Variants in STXBP5L observed in about 807,000 individuals in gnomAD.
The protein encoded by STXBP5L is syntaxin binding protein 5L, also known as syntaxin-binding protein 5-like.
STXBP5L carries 65 observed loss-of-function variants against 144.5 expected under a neutral mutation model. The observed-to-expected ratio is 0.45, with a 90% confidence interval of 0.37 to 0.55. The LOEUF is 0.55. Ranked by LOEUF, STXBP5L falls within the 20% of genes least tolerant of loss-of-function variation. The pLI, the probability that STXBP5L is intolerant of heterozygous loss-of-function variation, is 0.00. For missense variants in STXBP5L, 1,298 were observed against 1,405.5 expected, an observed-to-expected ratio of 0.92 and a Z score of 1.22; for synonymous variants, 505 against 469.6, an observed-to-expected ratio of 1.08 and a Z score of -0.97.
intron 3 of STXBP5L, among the ~76,000 whole-genome samples, chr3:121,005,558 C>A (rs1014408971): frequency 1.3e-5 from 2 of 152,100 alleles, no homozygotes; most frequent in African/African-American, 4.8e-5. Flanking sequence ...TCCTTCAGTT[C>A]TGCTCTGATC....
At chr3:121,089,871 C>A (rs549370827) in intron 5 of STXBP5L, among the ~76,000 whole-genome samples, 33 of 151,922 alleles carry the variant, frequency 2.2e-4, no homozygotes, top group African/African-American at 7.5e-4. Context: ...AGCTTATCCA[C>A]AGAATTTTAA....
At chr3:121,303,725 G>A (rs1214509557) in intron 19 of STXBP5L, among the ~76,000 whole-genome samples, 2 of 152,146 alleles carry the variant, frequency 1.3e-5, no homozygotes, top group Non-Finnish European at 2.9e-5. Context: ...CATGTCCTTT[G>A]TAGGGACATG....
chr3:121,251,728 A>G (rs2050032104), intron 15 of STXBP5L, among the ~76,000 whole-genome samples: 1 of 152,196 alleles, frequency 6.6e-6, no homozygotes, highest in Non-Finnish European at 1.5e-5. Context: ...GAAGCTGTAG[A>G]AATGAATAGC....
chr3:121,170,872 G>A (rs2046685639), intron 9 of STXBP5L, among the ~76,000 whole-genome samples: 1 of 152,114 alleles, frequency 6.6e-6, no homozygotes, highest in Admixed American at 6.6e-5. Context: ...ACCAAAACCT[G>A]GCAGAGACAC....
chr3:120,965,047 A>G (rs1053890551), intron 3 of STXBP5L, among the ~76,000 whole-genome samples: 2 of 151,576 alleles, frequency 1.3e-5, no homozygotes, highest in Admixed American at 6.6e-5. Flanking sequence ...GTCTCTTTTG[A>G]TCTTTGTTGG....
At chr3:121,001,742 C>G (rs1035115579) in intron 3 of STXBP5L, among the ~76,000 whole-genome samples, 4 of 152,210 alleles carry the variant, frequency 2.6e-5, no homozygotes, top group Non-Finnish European at 5.9e-5. Context: ...AGCTTCCTCT[C>G]CCTTCAGCGC....
At chr3:121,346,244 T>C (rs531098000) in intron 20 of STXBP5L, among the ~76,000 whole-genome samples, 1 of 152,084 alleles carries the variant, frequency 6.6e-6, no homozygotes, top group East Asian at 1.9e-4. Context: ...AGAATGATGG[T>C]TTCCAGCTTC....
At chr3:121,350,314 G>T (rs1357268687) in intron 20 of STXBP5L, among the ~76,000 whole-genome samples, 1 of 152,136 alleles carries the variant, frequency 6.6e-6, no homozygotes, top group East Asian at 1.9e-4. Context: ...TGTAGAGTTT[G>T]TGCTGAGAGA....
chr3:121,256,676 A>G (rs549346067), intron 16 of STXBP5L, among the ~76,000 whole-genome samples: 1 of 152,100 alleles, frequency 6.6e-6, no homozygotes, highest in East Asian at 1.9e-4. Context: ...AAAAGGCTTT[A>G]AACAAGTAAT....
chr3:121,003,959 A>C (rs1416606375), intron 3 of STXBP5L, among the ~76,000 whole-genome samples: 1 of 152,136 alleles, frequency 6.6e-6, no homozygotes, highest in Non-Finnish European at 1.5e-5. Flanking sequence ...GTAGCCTTGC[A>C]GTATAGTTTG....
At chr3:120,948,475 G>A (rs1383664349) in intron 2 of STXBP5L, among the ~76,000 whole-genome samples, 3 of 151,698 alleles carry the variant, frequency 2.0e-5, no homozygotes, top group Admixed American at 1.3e-4. Context: ...CTACTTTAGT[G>A]CTAATTTCTG....
rs189960269 is a variant in STXBP5L, at chr3:121,210,634, C to A, written c.956+4633C>A. On this transcript the variant is annotated intron_variant, in intron 10 of 26. Transcript: ENST00000471454. ...AAGGTGTGAGTAAGGGATCCAGTTT[C>A]AGGTTTCTACATATGGCTAGCCAGT... 2.0e-3 allele frequency among the ~76,000 whole-genome samples: 303 copies of A among 152,312 alleles called. 1 individual carries two copies. The highest frequency in any genetic ancestry group is 7.0e-3 in the African/African-American group (291 of 41,560).
intron 20 of STXBP5L, among the ~76,000 whole-genome samples, chr3:121,353,291 G>T (rs1017735240): frequency 1.3e-5 from 2 of 152,156 alleles, no homozygotes; most frequent in Non-Finnish European, 2.9e-5. Context: ...GGTAGAATTT[G>T]TCTGTGAATC....
intron 20 of STXBP5L, among the ~76,000 whole-genome samples, chr3:121,354,586 T>A (rs1451543724): frequency 6.6e-6 from 1 of 150,874 alleles, no homozygotes; most frequent in African/African-American, 2.4e-5. Context: ...CTTATGTGTG[T>A]CTTTGCATGT....
intron 20 of STXBP5L, among the ~76,000 whole-genome samples, chr3:121,338,382 G>T (rs542554544): frequency 2.0e-5 from 3 of 151,928 alleles, no homozygotes; most frequent in African/African-American, 4.8e-5. Context: ...GGTGGTTCAC[G>T]CCTGTAATCC....
chr3:121,354,508 C>CTTTTTTTTT lies in STXBP5L; in HGVS notation c.2177-24195_2177-24187dup, dbSNP rs145703750. On this transcript the variant is annotated intron_variant, in intron 20 of 26. Coordinates refer to ENST00000471454, the MANE Select transcript of STXBP5L (RefSeq NM_001308330.2). ...GTCAGAGGCTAGAATTGCAACCCTG[C>CTTTTTTTTT]TTTTTTTTTTTTTTTTTTTTTGCTC... Among the ~76,000 whole-genome samples the CTTTTTTTTT allele has an allele frequency of 2.7e-4, 18 of 67,538 alleles. 3 individuals are homozygous for CTTTTTTTTT. Among genetic ancestry groups the CTTTTTTTTT allele is most frequent in the East Asian group, 5.5e-4 (1 of 1,808 alleles). 44.3% of individuals were successfully genotyped at this position (67,538 alleles called of 152,430 possible). A position where few individuals can be genotyped will look rare whatever the true frequency, so the allele number is the denominator to read the frequency against.
chr3:121,198,227 A>G (rs2047998796), intron 9 of STXBP5L, among the ~76,000 whole-genome samples: 1 of 152,172 alleles, frequency 6.6e-6, no homozygotes, highest in Admixed American at 6.5e-5. Context: ...TTTGATTTGC[A>G]TTTCTCTAAT....
intron 7 of STXBP5L, among the ~76,000 whole-genome samples, chr3:121,149,444 C>G (rs1230241395): frequency 1.3e-5 from 2 of 151,862 alleles, no homozygotes; most frequent in Non-Finnish European, 2.9e-5. Flanking sequence ...TGCTTAGCCT[C>G]TCTACTATTT....
intron 5 of STXBP5L, among the ~76,000 whole-genome samples, chr3:121,095,720 G>A (rs531485248): frequency 6.6e-6 from 1 of 152,130 alleles, no homozygotes; most frequent in East Asian, 1.9e-4. Context: ...ACTTCTTTGC[G>A]ATGGGTTCGA....
Sources: gnomAD v4.1 joint callset for allele counts (sites outside exome capture counted in the v4.1 genomes callset) on GRCh38, gnomAD v4.1.1 for gene constraint, MANE v1.5 for transcripts, NCBI Gene and HGNC (gene_info 2026-07-23, HGNC 2026-07-21) for gene names.